The following CATSPERE variants were observed in gnomAD, a reference collection of about 807,000 sequenced individuals.
The protein encoded by CATSPERE is catsper channel auxiliary subunit epsilon.
In CATSPERE, 93 loss-of-function variants were observed where a neutral mutation model predicts 114.1. The observed-to-expected ratio is 0.81, with a 90% confidence interval of 0.69 to 0.97. CATSPERE has a LOEUF of 0.97. CATSPERE is among the 50% of genes least tolerant of loss of function. CATSPERE has a pLI of 0.00. For missense variants in CATSPERE, 1,058 were observed against 1,131.6 expected (o/e 0.93, Z 0.93); for synonymous variants, 341 against 384.1 (o/e 0.89, Z 1.31).
At chr1:244,477,105 C>T (rs1669481905) in intron 2 of CATSPERE, among the ~76,000 whole-genome samples, 1 of 152,178 alleles carries the variant, frequency 6.6e-6, no homozygotes, top group Non-Finnish European at 1.5e-5. Context: ...AAGCGATTCT[C>T]CTGCTTCAGC....
At chr1:244,550,659 A>G (rs116291153) in intron 8 of CATSPERE, among the ~76,000 whole-genome samples, 94 of 152,366 alleles carry the variant, frequency 6.2e-4, no homozygotes, top group Non-Finnish European at 1.0e-3. Flanking sequence ...GCTTGCAAAA[A>G]GTGGAAATTA....
At chr1:244,546,728 G>A (rs184791695) in intron 8 of CATSPERE, among the ~76,000 whole-genome samples, 1 of 152,230 alleles carries the variant, frequency 6.6e-6, no homozygotes, top group African/African-American at 2.4e-5. Flanking sequence ...ACAGCCAGTT[G>A]ATCAAGGAGA....
At chr1:244,459,359 G>A (rs1036678146), upstream of CATSPERE, among the ~76,000 whole-genome samples, 2 of 152,200 alleles carry the variant, frequency 1.3e-5, no homozygotes, top group Non-Finnish European at 1.5e-5. Context: ...TTACAGGCAT[G>A]AGCCACCGCG....
At chr1:244,492,850 T>G (rs1473369753) in intron 6 of CATSPERE, among the ~76,000 whole-genome samples, 11 of 147,782 alleles carry the variant, frequency 7.4e-5, no homozygotes, top group Non-Finnish European at 1.2e-4. Context: ...TCACAATTGC[T>G]TCAAAGAGAA....
In CATSPERE at chr1:244,601,359, A is replaced by G. The variant is rs948040176; in HGVS notation, c.2304-4336A>G. ...AGAAAATGCGTTGAAAAGAGAGGCAACATTCAATGAAAAGAAATAAAATAT... is the reference window on the plus strand; with the variant it reads ...AGAAAATGCGTTGAAAAGAGAGGCAGCATTCAATGAAAAGAAATAAAATAT... On this transcript the variant is annotated intron_variant, in intron 17 of 21. Transcript: ENST00000366534. Among the ~76,000 whole-genome samples the G allele has an allele frequency of 4.6e-5, 7 of 152,254 alleles. No individual in the cohort carries two copies. The East Asian group carries it at 1.3e-3, about 29-fold the overall frequency.
At chr1:244,461,593 G>T (rs1666802937) in intron 1 of CATSPERE, 99 bp downstream of exon 1, 2 of 965,138 alleles carry the variant, frequency 2.1e-6, no homozygotes, top group Non-Finnish European at 2.7e-6. Context: ...CCTCGGGACC[G>T]CTCGCCCTGG....
chr1:244,522,747 A>C (rs1677805569), intron 8 of CATSPERE, among the ~76,000 whole-genome samples: 1 of 152,180 alleles, frequency 6.6e-6, no homozygotes, highest in Non-Finnish European at 1.5e-5. Context: ...GAAATGGATA[A>C]ATTCCTCGAC....
chr1:244,553,488 G>C (rs1333082602), intron 9 of CATSPERE, among the ~76,000 whole-genome samples: 1 of 150,920 alleles, frequency 6.6e-6, no homozygotes, highest in Non-Finnish European at 1.5e-5. Context: ...GGCTGAGGTG[G>C]GAGAATGGCG....
intron 2 of CATSPERE, among the ~76,000 whole-genome samples, chr1:244,464,788 TC>T (rs1667335914): frequency 6.6e-6 from 1 of 152,216 alleles, no homozygotes; most frequent in Non-Finnish European, 1.5e-5. Flanking sequence ...TATGTAGGCT[TC>T]TCCTTCTATT....
intron 5 of CATSPERE, among the ~76,000 whole-genome samples, chr1:244,481,744 G>A (rs920812467): frequency 3.9e-5 from 6 of 152,176 alleles, no homozygotes; most frequent in South Asian, 2.1e-4. Flanking sequence ...ATTAGTGCTC[G>A]TACAAAAGAG....
At chr1:244,458,685 A>T (rs1011061079), upstream of CATSPERE, among the ~76,000 whole-genome samples, 1 of 152,246 alleles carries the variant, frequency 6.6e-6, no homozygotes, top group Non-Finnish European at 1.5e-5. Context: ...AATTTAGAGC[A>T]TATTTGTTCC....
upstream of CATSPERE, among the ~76,000 whole-genome samples, chr1:244,457,279 G>A (rs574426301): frequency 1.3e-5 from 2 of 152,156 alleles, no homozygotes; most frequent in South Asian, 2.1e-4. Flanking sequence ...CTGATCTGCT[G>A]TTTGATGGAA....
intron 20 of CATSPERE, among the ~76,000 whole-genome samples, chr1:244,621,291 C>CAGATATATT (rs1672312852): frequency 1.3e-4 from 6 of 45,138 alleles, no homozygotes; most frequent in South Asian, 7.8e-4. Context: ...ATAGATATAT[C>CAGATATATT]TATATAAATA....
intron 8 of CATSPERE, among the ~76,000 whole-genome samples, chr1:244,527,253 A>G (rs1177046566): frequency 6.6e-6 from 1 of 152,138 alleles, no homozygotes; most frequent in Non-Finnish European, 1.5e-5. Flanking sequence ...TACAGCTGCA[A>G]CCGTAAAAGA....
upstream of CATSPERE, chr1:244,451,795 G>C (rs367698631): frequency 1.3e-5 from 21 of 1,594,872 alleles, no homozygotes; most frequent in Admixed American, 1.7e-5. The surrounding 1 kb of genome is among the most constrained non-coding windows in gnomAD (Gnocchi z 6.6). Context: ...GGATGCCGCC[G>C]GGTAGGTCTC....
chr1:244,542,959 G>T (rs758694614), intron 8 of CATSPERE, among the ~76,000 whole-genome samples: 1 of 152,194 alleles, frequency 6.6e-6, no homozygotes, highest in Non-Finnish European at 1.5e-5. Flanking sequence ...AAAGACAAAA[G>T]ATAAGAAGTA....
chr1:244,589,726 T>C (rs1184070866), intron 14 of CATSPERE, among the ~76,000 whole-genome samples: 1 of 152,210 alleles, frequency 6.6e-6, no homozygotes, highest in Non-Finnish European at 1.5e-5. Flanking sequence ...GCAGAATGCC[T>C]TCTCAGGCCC....
Position 244,561,117 on chromosome 1 carries a change from TGAC to T in CATSPERE, c.1480_1482del (p.Asp494del), listed in dbSNP as rs1662490755. ...ATGGAAATCTATCAATGCTATCAAATGACAGCATTATTCATGAAGTTTTCATAG... is the reference window on the plus strand; with the variant it reads ...ATGGAAATCTATCAATGCTATCAAATAGCATTATTCATGAAGTTTTCATAG... On this transcript the variant is annotated inframe_deletion, in exon 10 of 22. Coordinates refer to ENST00000366534, the MANE Select transcript of CATSPERE (RefSeq NM_001130957.2). 1 of 1,604,660 alleles carries T rather than the reference TGAC, an allele frequency of 6.2e-7. No homozygotes were observed. Among genetic ancestry groups the T allele is most frequent in the Middle Eastern group, 1.7e-4 (1 of 6,038 alleles).
chr1:244,475,244 CTT>C (rs36095839), intron 2 of CATSPERE, among the ~76,000 whole-genome samples: 36 of 145,084 alleles, frequency 2.5e-4, no homozygotes, highest in South Asian at 2.2e-3. Context: ...TATCTAGAGA[CTT>C]TTTTTTTTTT....
Sources: gnomAD v4.1 joint callset for allele counts (sites outside exome capture counted in the v4.1 genomes callset) on GRCh38, gnomAD v4.1.1 for gene constraint, Gnocchi (gnomAD v3.1) non-coding constraint, MANE v1.5 for transcripts, NCBI Gene and HGNC (gene_info 2026-07-23, HGNC 2026-07-21) for gene names.